LDLRAD4: variants seen among roughly 807,000 people sequenced by gnomAD.
LDLRAD4 encodes low-density lipoprotein receptor class A domain-containing protein 4.
A neutral mutation model predicts 17.0 loss-of-function variants in LDLRAD4; 5 were observed. The ratio of observed to expected loss-of-function variants is 0.29; its 90% CI spans 0.15 to 0.62. LDLRAD4 has a LOEUF of 0.62. LDLRAD4 is among the 20% of genes least tolerant of loss of function. LDLRAD4 has a pLI of 0.84. For missense variants in LDLRAD4, 340 were observed against 424.7 expected (o/e 0.80, Z 1.75); for synonymous variants, 168 against 171.8 (o/e 0.98, Z 0.17).
intron 1 of LDLRAD4, among the ~76,000 whole-genome samples, chr18:13,290,166 A>G (rs1199628726): frequency 6.6e-6 from 1 of 152,142 alleles, no homozygotes; most frequent in Non-Finnish European, 1.5e-5. Flanking sequence ...CCCCCTGGTT[A>G]TTGTCAAACT....
At chr18:13,563,070 G>C (rs530749376) in intron 3 of LDLRAD4, 1 of 152,326 alleles carries the variant, frequency 6.6e-6, no homozygotes, top group Non-Finnish European at 1.5e-5. Context: ...CATTTCTGAT[G>C]ATTTAGGGAC....
At chr18:13,290,607 GC>G (rs1466739028) in intron 1 of LDLRAD4, among the ~76,000 whole-genome samples, 1 of 151,010 alleles carries the variant, frequency 6.6e-6, no homozygotes, top group Admixed American at 6.6e-5. Flanking sequence ...TTTGGCACCT[GC>G]TTCTTGCACA....
At chr18:13,309,219 A>C (rs922626105) in intron 1 of LDLRAD4, among the ~76,000 whole-genome samples, 4 of 152,236 alleles carry the variant, frequency 2.6e-5, no homozygotes, top group Non-Finnish European at 4.4e-5. Flanking sequence ...GATTGTGGGC[A>C]GTCACAGGGA....
intron 3 of LDLRAD4, among the ~76,000 whole-genome samples, chr18:13,598,487 G>T (rs1423637863): frequency 6.6e-6 from 1 of 152,200 alleles, no homozygotes; most frequent in Non-Finnish European, 1.5e-5. Flanking sequence ...ACTAAATTCA[G>T]GCCCCTTTGC....
chr18:13,430,214 C>G (rs977094201), intron 2 of LDLRAD4, among the ~76,000 whole-genome samples: 1 of 152,198 alleles, frequency 6.6e-6, no homozygotes, highest in East Asian at 1.9e-4. Context: ...TCTGTTGATA[C>G]TGCCAGGTGG....
At chr18:13,386,582 C>T (rs976704797) in intron 1 of LDLRAD4, among the ~76,000 whole-genome samples, 19 of 152,136 alleles carry the variant, frequency 1.2e-4, no homozygotes, top group African/African-American at 4.6e-4. Flanking sequence ...GTTGATGAGG[C>T]TGATCTCGAA....
intron 2 of LDLRAD4, among the ~76,000 whole-genome samples, chr18:13,401,084 C>T (rs1343965800): frequency 6.6e-6 from 1 of 151,884 alleles, no homozygotes; most frequent in East Asian, 1.9e-4. Context: ...GGTGAGGCCT[C>T]GCTAAGGACA....
At chr18:13,609,019 G>C (rs1054840374) in intron 3 of LDLRAD4, among the ~76,000 whole-genome samples, 2 of 72,206 alleles carry the variant, frequency 2.8e-5, no homozygotes, top group African/African-American at 6.9e-5. Context: ...AGATGCGTTG[G>C]TGACTGCACA....
chr18:13,223,008 T>G (rs2145351315), intron 1 of LDLRAD4, among the ~76,000 whole-genome samples: 1 of 152,338 alleles, frequency 6.6e-6, no homozygotes, highest in South Asian at 2.1e-4. Flanking sequence ...TGGCACTCCT[T>G]GGGCATAATG....
intron 2 of LDLRAD4, among the ~76,000 whole-genome samples, chr18:13,417,493 C>T (rs1276842792): frequency 6.7e-6 from 1 of 149,660 alleles, no homozygotes; most frequent in African/African-American, 2.5e-5. Flanking sequence ...AGTGCAGTGG[C>T]GCGATCTCGG....
chr18:13,422,764 C>T (rs1346464994), intron 2 of LDLRAD4, among the ~76,000 whole-genome samples: 1 of 152,220 alleles, frequency 6.6e-6, no homozygotes, highest in African/African-American at 2.4e-5. Context: ...CTGTTTATCT[C>T]TCTGCATATC....
chr18:13,222,301 G>GT (rs1055778327), intron 1 of LDLRAD4, among the ~76,000 whole-genome samples: 21 of 150,194 alleles, frequency 1.4e-4, no homozygotes, highest in African/African-American at 3.2e-4. Context: ...TTTGTTGTTG[G>GT]TTTTTTTTTC....
chr18:13,449,023 T>C (rs1010430920), intron 3 of LDLRAD4, among the ~76,000 whole-genome samples: 2 of 152,174 alleles, frequency 1.3e-5, no homozygotes, highest in Non-Finnish European at 2.9e-5. Context: ...TCTTGTTCTG[T>C]CCCAAGAGCT....
At chr18:13,272,896 C>T (rs557234265) in intron 1 of LDLRAD4, among the ~76,000 whole-genome samples, 77 of 152,294 alleles carry the variant, frequency 5.1e-4, no homozygotes, top group Middle Eastern at 3.4e-3. Flanking sequence ...CTAGGAAAGA[C>T]GCACCTATGG....
chr18:13,626,664 C>A lies in LDLRAD4; in HGVS notation c.336+5393C>A, dbSNP rs897002914. ...TTATCAACTCCTACAGGGATTAAAT[C>A]GATTGTGAAAATCCAGGTGCCCATT... On this transcript the variant is annotated intron_variant, in intron 4 of 5. Transcript: ENST00000359446. Among the ~76,000 whole-genome samples the A allele has an allele frequency of 3.9e-5, 6 of 152,258 alleles. No individual in the cohort carries two copies. In the East Asian group the frequency reaches 1.2e-3, roughly 29 times the overall value.
At chr18:13,509,783 A>G (rs2093749224) in intron 3 of LDLRAD4, among the ~76,000 whole-genome samples, 1 of 152,186 alleles carries the variant, frequency 6.6e-6, no homozygotes, top group Non-Finnish European at 1.5e-5. Context: ...TTGTTTTCTT[A>G]TTTTAAGAAA....
chr18:13,280,444 G>A (rs1204058387), intron 1 of LDLRAD4, among the ~76,000 whole-genome samples: 1 of 152,200 alleles, frequency 6.6e-6, no homozygotes, highest in Non-Finnish European at 1.5e-5. Context: ...CCACCCTAAT[G>A]CTGGCTTTCT....
At chr18:13,499,945 C>T (rs557715238) in intron 3 of LDLRAD4, among the ~76,000 whole-genome samples, 3 of 152,300 alleles carry the variant, frequency 2.0e-5, no homozygotes, top group African/African-American at 4.8e-5. Context: ...ACAAAAGACA[C>T]CAGCACTGTC....
chr18:13,357,979 G>T (rs999643782), intron 1 of LDLRAD4, among the ~76,000 whole-genome samples: 2 of 152,154 alleles, frequency 1.3e-5, no homozygotes, highest in African/African-American at 4.8e-5. Context: ...TCCCTGACCA[G>T]TGAAACCCTT....
Sources: gnomAD v4.1 joint callset for allele counts (sites outside exome capture counted in the v4.1 genomes callset) on GRCh38, gnomAD v4.1.1 for gene constraint, MANE v1.5 for transcripts, NCBI Gene and HGNC (gene_info 2026-07-23, HGNC 2026-07-21) for gene names.